The following MYO16 variants were observed in gnomAD, a reference collection of about 807,000 sequenced individuals.
MYO16 encodes unconventional myosin-XVI.
In MYO16, 94 loss-of-function variants were observed where a neutral mutation model predicts 205.3. The ratio of observed to expected loss-of-function variants is 0.46; its 90% CI spans 0.39 to 0.54. MYO16 has a LOEUF of 0.54. Among genes scored for constraint, MYO16 ranks in the 20% least tolerant of loss-of-function variants. The pLI, the probability that MYO16 is intolerant of heterozygous loss-of-function variation, is 0.00. For synonymous variants in MYO16, 988 were observed against 954.0 expected (o/e 1.04, Z -0.66); for missense variants, 2,315 against 2,387.5 (o/e 0.97, Z 0.63).
the MYO16 span, among the ~76,000 whole-genome samples, chr13:108,556,227 A>G: frequency 1.3e-5 from 2 of 151,898 alleles, no homozygotes; most frequent in Admixed American, 1.3e-4. Flanking sequence ...CACTGTTTTC[A>G]ATAATGGGTG....
intron 1 of MYO16, chr13:108,659,336 A>G (rs1008979688): frequency 2.5e-6 from 1 of 403,338 alleles, no homozygotes; most frequent in Non-Finnish European, 4.9e-6. Flanking sequence ...ACACACACAT[A>G]CACAAACACA....
intron 28 of MYO16, among the ~76,000 whole-genome samples, chr13:109,113,042 T>C (rs891819976): frequency 1.1e-4 from 16 of 152,216 alleles, no homozygotes; most frequent in African/African-American, 3.9e-4. Context: ...GTGACATGGA[T>C]GTACTACTGT....
chr13:109,009,139 T>A, intron 22 of MYO16, 90 bp downstream of exon 22: 1 of 1,040,230 alleles, frequency 9.6e-7, no homozygotes, highest in Non-Finnish European at 1.4e-6. Flanking sequence ...CGCCTTATTT[T>A]TGAGATATCT....
chr13:108,609,670 A>T (rs963797133), intron 1 of MYO16, among the ~76,000 whole-genome samples: 4 of 152,206 alleles, frequency 2.6e-5, no homozygotes, highest in Non-Finnish European at 1.5e-5. Context: ...AATTTAAAAA[A>T]TTTTAAAAAT....
At chr13:108,948,534 C>A (rs1326580893) in intron 16 of MYO16, among the ~76,000 whole-genome samples, 2 of 152,242 alleles carry the variant, frequency 1.3e-5, no homozygotes, top group Non-Finnish European at 2.9e-5. Flanking sequence ...CACACCTGCA[C>A]CCTGGAGACA....
At chr13:108,844,591 GCATT>G in intron 10 of MYO16, 98 bp downstream of exon 10, 6 of 1,249,678 alleles carry the variant, frequency 4.8e-6, no homozygotes, top group Non-Finnish European at 6.5e-6. Flanking sequence ...GCACTAATTT[GCATT>G]CAAAGACAAT....
At chr13:108,565,988 C>CT in the MYO16 span, among the ~76,000 whole-genome samples, 157 of 143,654 alleles carry the variant, frequency 1.1e-3, no homozygotes, top group Middle Eastern at 3.6e-3. Context: ...TGGCCTGTAG[C>CT]TTTTTTTTTT....
chr13:108,643,358 G>A (rs2148450), intron 1 of MYO16, among the ~76,000 whole-genome samples: 45,663 of 152,104 alleles, frequency 0.3, 6,988 homozygotes, highest in Middle Eastern at 0.37. Context: ...ACTGAGTGGT[G>A]TTCGGTGGTG....
intron 2 of MYO16, among the ~76,000 whole-genome samples, chr13:108,686,873 T>G (rs1290726586): frequency 1.3e-5 from 2 of 152,042 alleles, no homozygotes; most frequent in Non-Finnish European, 2.9e-5. Flanking sequence ...GGAAAGTAGT[T>G]TATTTGCTGT....
At chr13:108,648,747 G>A (rs9301309) in intron 1 of MYO16, among the ~76,000 whole-genome samples, 56,397 of 151,660 alleles carry the variant, frequency 0.37, 10,921 homozygotes, top group African/African-American at 0.5. Context: ...GTTGCCACTG[G>A]CAGAAATCAA....
At chr13:108,529,081 T>G in the MYO16 span, among the ~76,000 whole-genome samples, 1 of 152,174 alleles carries the variant, frequency 6.6e-6, no homozygotes, top group Non-Finnish European at 1.5e-5. Context: ...ACTTTCTTAC[T>G]AATTCACCCC....
intron 16 of MYO16, among the ~76,000 whole-genome samples, chr13:108,922,245 A>G (rs1189950717): frequency 6.9e-6 from 1 of 145,032 alleles, no homozygotes; most frequent in African/African-American, 2.6e-5. Context: ...CTGAGAATGG[A>G]CAAGGAGAGG....
intron 3 of MYO16, among the ~76,000 whole-genome samples, chr13:108,722,764 T>C (rs923513139): frequency 6.6e-6 from 1 of 152,152 alleles, no homozygotes; most frequent in Non-Finnish European, 1.5e-5. Context: ...ATCAAATTTA[T>C]TGAACTTTCA....
chr13:108,896,734 C>T (rs542040548), intron 14 of MYO16, among the ~76,000 whole-genome samples: 4 of 152,152 alleles, frequency 2.6e-5, no homozygotes, highest in African/African-American at 9.6e-5. Flanking sequence ...TTTGGGAGGC[C>T]GAGGTGGGCG....
chr13:108,629,676 A>G lies in MYO16; in HGVS notation c.-169A>G. 1 of 576,712 alleles carries G rather than the reference A, an allele frequency of 1.7e-6. No individual in the cohort carries two copies. The allele number at this position is 576,712 out of a possible 1,614,324, so 35.7% of individuals were successfully genotyped here. On this transcript the variant is annotated 5_prime_UTR_variant, in exon 1 of 35. Coordinates refer to ENST00000457511, the MANE Select transcript of MYO16 (RefSeq NM_001198950.3). ...TAACTCCAGCTGCCGAATGAGAATG[A>G]GTTTGAAGCTTTTTGCAGGATCATG...
intron 16 of MYO16, among the ~76,000 whole-genome samples, chr13:108,921,897 G>A (rs1469277347): frequency 1.3e-5 from 2 of 152,248 alleles, no homozygotes; most frequent in African/African-American, 2.4e-5. Flanking sequence ...GAGTGACGGA[G>A]TGAGTGCAGT....
chr13:108,922,604 A>T (rs1315745641), intron 16 of MYO16, among the ~76,000 whole-genome samples: 2 of 152,160 alleles, frequency 1.3e-5, no homozygotes, highest in African/African-American at 4.8e-5. Context: ...GGAATGTGCG[A>T]TTTGCTGTCA....
intron 20 of MYO16, among the ~76,000 whole-genome samples, chr13:108,978,412 T>G (rs1017450672): frequency 8.5e-5 from 13 of 152,084 alleles, no homozygotes; most frequent in Non-Finnish European, 1.5e-5. Flanking sequence ...GTAAATAACC[T>G]CTGCCTAGTG....
chr13:108,982,933 G>A (rs1328577432), intron 20 of MYO16, among the ~76,000 whole-genome samples: 7 of 152,030 alleles, frequency 4.6e-5, no homozygotes, highest in South Asian at 4.1e-4. Flanking sequence ...CCAAGACACC[G>A]TCAGTTTTCT....
Sources: allele counts gnomAD v4.1 joint callset (sites outside exome capture counted in the v4.1 genomes callset), GRCh38; gene constraint gnomAD v4.1.1; transcripts MANE v1.5; gene names NCBI Gene and HGNC (gene_info 2026-07-23, HGNC 2026-07-21).